Variants in CELF2 observed in about 807,000 individuals in gnomAD.
CELF2 encodes the protein CUGBP Elav-like family member 2.
A neutral mutation model predicts 62.6 loss-of-function variants in CELF2; 8 were observed. The observed-to-expected ratio is 0.13, with a 90% CI of 0.07 to 0.23. The LOEUF (loss-of-function observed/expected upper bound fraction) is 0.23. Ranked by LOEUF, CELF2 falls within the 10% of genes least tolerant of loss-of-function variation. The pLI is 1.00. For synonymous variants in CELF2, 258 were observed against 250.0 expected (o/e 1.03, Z -0.30); for missense variants, 333 against 671.0 (o/e 0.50, Z 5.56).
chr10:10,954,226 ATT>A (rs2135807469), intron 2 of CELF2, among the ~76,000 whole-genome samples: 1 of 122,852 alleles, frequency 8.1e-6, no homozygotes, highest in South Asian at 2.4e-4. Flanking sequence ...TATTATTATT[ATT>A]ATTATTATTA....
chr10:10,673,637 T>C, the CELF2 span, among the ~76,000 whole-genome samples: 1,009 of 152,302 alleles, frequency 6.6e-3, 4 homozygotes, highest in East Asian at 0.019. Flanking sequence ...GATAATTGAT[T>C]TTAGATCTTT....
At chr10:11,059,468 A>G (rs944662325) in intron 1 of CELF2, among the ~76,000 whole-genome samples, 1 of 152,154 alleles carries the variant, frequency 6.6e-6, no homozygotes, top group Admixed American at 6.5e-5. Flanking sequence ...CACCATGAGG[A>G]AAGTGTTTTG....
intron 1 of CELF2, among the ~76,000 whole-genome samples, chr10:11,040,319 G>A (rs779768243): frequency 2.0e-5 from 3 of 152,138 alleles, no homozygotes; most frequent in Admixed American, 6.5e-5. Context: ...TCTCTGTTTC[G>A]AAAACACACT....
rs1238417986 is a variant in CELF2, at chr10:11,075,911, A to G, written c.74+57748A>G. Among the ~76,000 whole-genome samples the G allele has an allele frequency of 2.6e-5, 4 of 152,180 alleles. No homozygotes were observed. Among genetic ancestry groups the G allele is most frequent in the Non-Finnish European group, 5.9e-5 (4 of 68,026 alleles). On this transcript the variant is annotated intron_variant, in intron 1 of 12. Transcript: ENST00000633077. The surrounding 1 kb of genome is among the most constrained non-coding windows in gnomAD (Gnocchi z 5.4). ...CTGCCAACATCAGTATCTCAGAATG[A>G]GTGAAACAAAAAGCTTTCCTTTTTC...
intron 1 of CELF2, among the ~76,000 whole-genome samples, chr10:11,135,961 C>T (rs2060369479): frequency 6.6e-6 from 1 of 152,218 alleles, no homozygotes; most frequent in African/African-American, 2.4e-5. Flanking sequence ...ATGAGTAACT[C>T]ATGGCCCTTT....
chr10:11,274,989 C>A, intron 7 of CELF2, 68 bp from the exon 8 acceptor site: 1 of 1,433,466 alleles, frequency 7.0e-7, no homozygotes, highest in South Asian at 1.1e-5. Context: ...CTGAATTTGT[C>A]CCCAGTTTAA....
the CELF2 span, among the ~76,000 whole-genome samples, chr10:10,640,691 A>G: frequency 1.3e-5 from 2 of 152,248 alleles, no homozygotes; most frequent in African/African-American, 4.8e-5. Flanking sequence ...GATGGACATT[A>G]AAATGAAATT....
At chr10:10,779,994 G>C in the CELF2 span, among the ~76,000 whole-genome samples, 7 of 152,260 alleles carry the variant, frequency 4.6e-5, no homozygotes, top group East Asian at 1.9e-4. Flanking sequence ...GGTTAGGGAT[G>C]TTTTGCGGGT....
chr10:11,223,947 C>T lies in CELF2; in HGVS notation c.354+6440C>T, dbSNP rs2065682740. ...AAAGTTTTACACACTACCTGAATAG[C>T]AGGTTGTTTTGGTTTTGGCTGGCAG... On this transcript the variant is annotated intron_variant, in intron 3 of 12. Transcript: ENST00000633077. The surrounding 1 kb of genome is among the most constrained non-coding windows in gnomAD (Gnocchi z 5.1). Among the ~76,000 whole-genome samples, 1 of 152,240 alleles carries T rather than the reference C, an allele frequency of 6.6e-6. No homozygotes were observed. Among genetic ancestry groups the T allele is most frequent in the Non-Finnish European group, 1.5e-5 (1 of 68,046 alleles).
At chr10:10,731,521 A>G in the CELF2 span, among the ~76,000 whole-genome samples, 1 of 152,234 alleles carries the variant, frequency 6.6e-6, no homozygotes, top group Non-Finnish European at 1.5e-5. Flanking sequence ...AAAGTTGTAG[A>G]TAGAAAACTT....
At chr10:11,308,593 T>A (rs2094396517) in intron 9 of CELF2, among the ~76,000 whole-genome samples, 1 of 152,240 alleles carries the variant, frequency 6.6e-6, no homozygotes, top group African/African-American at 2.4e-5. Context: ...TCCATTTTTT[T>A]AAATCAGGAC....
chr10:10,556,982 T>C, the CELF2 span, among the ~76,000 whole-genome samples: 1 of 146,288 alleles, frequency 6.8e-6, no homozygotes, highest in East Asian at 2.0e-4. Flanking sequence ...ATTTTGTAGG[T>C]TGCCTGTTCA....
Position 11,335,720 on chromosome 10 carries a change from AGGGGGATGTTGGGAGGCAT to A in CELF2, c.*6673_*6691del, listed in dbSNP as rs1321787462. The stretch of plus-strand genomic sequence containing the variant: ...GATTTCTTTTTATTAGGGAGGTGGG[AGGGGGATGTTGGGAGGCAT>A]GGGGGGTGATTAAATTATCATTTCC... On this transcript the variant is annotated 3_prime_UTR_variant, in exon 13 of 13. Coordinates refer to ENST00000633077, the MANE Select transcript of CELF2 (RefSeq NM_001326342.2). The surrounding 1 kb of genome is among the most constrained non-coding windows in gnomAD (Gnocchi z 5.0). The A allele has an allele frequency of 6.6e-6, 1 of 151,654 alleles. No homozygotes were observed. Among genetic ancestry groups the A allele is most frequent in the Non-Finnish European group, 1.5e-5 (1 of 67,928 alleles). 9.4% of individuals were successfully genotyped at this position (151,654 alleles called of 1,614,324 possible).
chr10:11,090,095 G>A (rs1595006261), intron 1 of CELF2, among the ~76,000 whole-genome samples: 1 of 152,054 alleles, frequency 6.6e-6, no homozygotes, highest in East Asian at 1.9e-4. Flanking sequence ...CCAGGGTGAT[G>A]GGATCATTTC....
chr10:10,721,357 C>A, the CELF2 span, among the ~76,000 whole-genome samples: 1 of 152,184 alleles, frequency 6.6e-6, no homozygotes, highest in Admixed American at 6.5e-5. Flanking sequence ...CGGAGATACA[C>A]TTGGAATTTA....
chr10:11,022,679 C>T (rs182505009), intron 1 of CELF2, among the ~76,000 whole-genome samples: 29 of 152,182 alleles, frequency 1.9e-4, no homozygotes, highest in African/African-American at 6.0e-4. Flanking sequence ...GTTAAACACT[C>T]GTTTACTTAG....
the CELF2 span, among the ~76,000 whole-genome samples, chr10:10,489,345 T>C: frequency 6.6e-6 from 1 of 152,152 alleles, no homozygotes; most frequent in African/African-American, 2.4e-5. Context: ...ACTGGAACAG[T>C]GCTGGTACAT....
At position 11,300,829 on chromosome 10, in the gene CELF2, C is replaced by T. The variant is rs573410351; in HGVS notation, c.976+12277C>T. On this transcript the variant is annotated intron_variant, in intron 9 of 12. Coordinates refer to ENST00000633077, the MANE Select transcript of CELF2 (RefSeq NM_001326342.2). This position sits in a 1 kb window ranked among gnomAD's most constrained non-coding sequence, Gnocchi z 5.5. ...TTTGGTCAATGCAGGCGATTTTCTCCGTGTTTACAATGATTTTATTTCCTA... is the reference window on the plus strand; with the variant it reads ...TTTGGTCAATGCAGGCGATTTTCTCTGTGTTTACAATGATTTTATTTCCTA... Among the ~76,000 whole-genome samples the T allele has an allele frequency of 6.6e-6, 1 of 152,092 alleles. No homozygotes were observed. The highest frequency in any genetic ancestry group is 1.5e-5 in the Non-Finnish European group (1 of 68,032).
At position 10,904,622 on chromosome 10, in the gene CELF2, G is replaced by C. The variant is rs146869702; in HGVS notation, c.54-15342G>C. ...TCCATAGCACAGTTTACATAGCCAT[G>C]GCCTTATTCCTGGGCATGCAGGTTG... is the stretch of plus-strand genomic sequence containing the variant. On this transcript the variant is annotated intron_variant, in intron 1 of 13. Coordinates refer to the CELF2 transcript ENST00000636488. 2.6e-3 allele frequency among the ~76,000 whole-genome samples: 394 copies of C among 152,240 alleles called. 1 individual carries two copies. Among genetic ancestry groups the C allele is most frequent in the African/African-American group, 9.1e-3 (380 of 41,532 alleles).
Sources: gnomAD v4.1 joint callset for allele counts (sites outside exome capture counted in the v4.1 genomes callset) on GRCh38, gnomAD v4.1.1 for gene constraint, Gnocchi (gnomAD v3.1) non-coding constraint, MANE v1.5 for transcripts, NCBI Gene and HGNC (gene_info 2026-07-23, HGNC 2026-07-21) for gene names.